Variants in VAV3 observed in about 807,000 individuals in gnomAD.
The protein encoded by VAV3 is guanine nucleotide exchange factor VAV3.
A neutral mutation model predicts 131.2 loss-of-function variants in VAV3; 94 were observed. The ratio of observed to expected loss-of-function variants is 0.72; its 90% CI spans 0.61 to 0.85. VAV3 has a LOEUF of 0.85. VAV3 is among the 40% of genes least tolerant of loss of function. VAV3 has a pLI of 0.00. For missense variants in VAV3, 939 were observed against 1,002.7 expected (o/e 0.94, Z 0.86); for synonymous variants, 349 against 342.0 (o/e 1.02, Z -0.22).
chr1:107,656,282 A>C (rs1487780217), intron 19 of VAV3, among the ~76,000 whole-genome samples: 1 of 152,182 alleles, frequency 6.6e-6, no homozygotes, highest in South Asian at 2.1e-4. Flanking sequence ...ACATGCAGCC[A>C]TAAAAAGGAA....
intron 1 of VAV3, among the ~76,000 whole-genome samples, chr1:107,923,902 T>G (rs1381550309): frequency 1.3e-5 from 2 of 152,124 alleles, no homozygotes; most frequent in Non-Finnish European, 1.5e-5. Flanking sequence ...CATCTATAAA[T>G]CAGGAAACAG....
At chr1:107,849,514 C>G (rs1348604392) in intron 2 of VAV3, among the ~76,000 whole-genome samples, 1 of 151,972 alleles carries the variant, frequency 6.6e-6, no homozygotes, top group African/African-American at 2.4e-5. Context: ...GTTGGGAAAA[C>G]TGGCTAACCA....
chr1:107,945,737 G>A (rs139632059), intron 1 of VAV3, among the ~76,000 whole-genome samples: 4,210 of 150,348 alleles, frequency 0.028, 93 homozygotes, highest in East Asian at 0.1. Context: ...CGGGAGAATC[G>A]CTTGAACCTG....
chr1:107,861,885 C>A (rs1477668250), intron 2 of VAV3, among the ~76,000 whole-genome samples: 1 of 151,574 alleles, frequency 6.6e-6, no homozygotes, highest in East Asian at 1.9e-4. Context: ...CATCTCTGTG[C>A]AAAATTAATT....
At chr1:107,701,515 T>C (rs1660130372) in intron 17 of VAV3, among the ~76,000 whole-genome samples, 1 of 125,612 alleles carries the variant, frequency 8.0e-6, no homozygotes, top group South Asian at 2.9e-4. Flanking sequence ...ACCTCTGACA[T>C]GCCCTGGAGA....
intron 2 of VAV3, among the ~76,000 whole-genome samples, chr1:107,822,260 G>A (rs1667822886): frequency 6.6e-6 from 1 of 152,174 alleles, no homozygotes; most frequent in Non-Finnish European, 1.5e-5. Flanking sequence ...GCCCTGTAGG[G>A]AATGTATGGT....
At chr1:107,582,432 T>G (rs1352712530) in intron 25 of VAV3, among the ~76,000 whole-genome samples, 1 of 152,148 alleles carries the variant, frequency 6.6e-6, no homozygotes, top group Non-Finnish European at 1.5e-5. Context: ...ATTATTATAC[T>G]TTAAGTTTTA....
chr1:107,649,185 A>T (rs1341227130), intron 19 of VAV3, among the ~76,000 whole-genome samples: 1 of 152,048 alleles, frequency 6.6e-6, no homozygotes, highest in African/African-American at 2.4e-5. Context: ...TTTCTACATA[A>T]GGTTATTATC....
chr1:107,628,290 C>A (rs1654191560), intron 20 of VAV3, among the ~76,000 whole-genome samples: 1 of 152,130 alleles, frequency 6.6e-6, no homozygotes, highest in African/African-American at 2.4e-5. Context: ...AAAAGCAAGT[C>A]ACCTGGACTG....
chr1:107,965,019 A>C lies in VAV3; in HGVS notation c.-150T>G. ...ATCGAGGGAGCAGGAGCCGCGGCTG[A>C]CGGGTCGCGGGCGCCGCGCTAGGCT... On this transcript the variant is annotated 5_prime_UTR_variant, in exon 1 of 27. Coordinates refer to ENST00000370056, the MANE Select transcript of VAV3 (RefSeq NM_006113.5). The C allele has an allele frequency of 2.0e-6, 1 of 511,058 alleles. No individual in the cohort carries two copies. The highest frequency in any genetic ancestry group is 2.6e-6 in the Non-Finnish European group (1 of 381,668). 31.7% of individuals were successfully genotyped at this position (511,058 alleles called of 1,614,324 possible).
rs1024601959 is a variant in VAV3 at position 107,646,080 on chromosome 1, A to C, written c.1778-3325T>G. 7.9e-5 allele frequency among the ~76,000 whole-genome samples: 12 copies of C among 152,206 alleles called. No individual in the cohort carries two copies. In the East Asian group the frequency reaches 1.5e-3, roughly 20 times the overall value. ...AGTCTTTCAAAATTTGTTCAGGCTT[A>C]AAATCACCAGTTCCTTAAAAAACTC... On this transcript the variant is annotated intron_variant, in intron 19 of 26. Coordinates refer to ENST00000370056, the MANE Select transcript of VAV3 (RefSeq NM_006113.5).
intron 18 of VAV3, 57 bp from the exon 19 acceptor site, chr1:107,683,590 T>C (rs1183302702): frequency 2.9e-5 from 45 of 1,553,400 alleles, no homozygotes; most frequent in Non-Finnish European, 3.8e-5. Flanking sequence ...TTTGCACTAT[T>C]AAATTGTATT....
intron 24 of VAV3, among the ~76,000 whole-genome samples, chr1:107,600,233 A>G (rs114842756): frequency 6.6e-6 from 1 of 152,308 alleles, no homozygotes; most frequent in African/African-American, 2.4e-5. Flanking sequence ...ATGAACAGAA[A>G]CAAAATGGAG....
At chr1:107,926,190 G>A (rs1324586926) in intron 1 of VAV3, among the ~76,000 whole-genome samples, 2 of 152,128 alleles carry the variant, frequency 1.3e-5, no homozygotes, top group Non-Finnish European at 2.9e-5. Context: ...GCTGAGGTAG[G>A]AGAATGACTT....
intron 2 of VAV3, among the ~76,000 whole-genome samples, chr1:107,781,152 A>G (rs1045893606): frequency 6.6e-6 from 1 of 152,166 alleles, no homozygotes; most frequent in African/African-American, 2.4e-5. Flanking sequence ...GCCCTGACTC[A>G]CAAGTTTTCA....
chr1:107,725,753 T>C (rs1414722242), intron 15 of VAV3, among the ~76,000 whole-genome samples: 2 of 152,166 alleles, frequency 1.3e-5, no homozygotes, highest in African/African-American at 4.8e-5. Context: ...CCTCAGGTGA[T>C]CTGCCTGCCT....
intron 2 of VAV3, among the ~76,000 whole-genome samples, chr1:107,856,071 C>A (rs1483228089): frequency 6.6e-6 from 1 of 152,162 alleles, no homozygotes; most frequent in Non-Finnish European, 1.5e-5. Flanking sequence ...CATGCACACT[C>A]ATAAGCAAGC....
At chr1:107,574,992 TGC>T (rs71971498) in intron 25 of VAV3, among the ~76,000 whole-genome samples, 14,382 of 63,828 alleles carry the variant, frequency 0.23, 1,137 homozygotes, top group African/African-American at 0.32. Context: ...TGTGTGTGTG[TGC>T]GTGCGTGCGC....
intron 1 of VAV3, among the ~76,000 whole-genome samples, chr1:107,937,770 G>C (rs72985409): frequency 0.03 from 4,623 of 152,196 alleles, 167 homozygotes; most frequent in African/African-American, 0.085. Flanking sequence ...GTTAAGGCTT[G>C]TAGTCCCAAT....
Sources: gnomAD v4.1 joint callset for allele counts (sites outside exome capture counted in the v4.1 genomes callset) on GRCh38, gnomAD v4.1.1 for gene constraint, MANE v1.5 for transcripts, NCBI Gene and HGNC (gene_info 2026-07-23, HGNC 2026-07-21) for gene names.